Variants in PELI2 observed in about 807,000 individuals in gnomAD.
PELI2 encodes the protein E3 ubiquitin-protein ligase pellino homolog 2.
Under a neutral mutation model 42.3 loss-of-function variants are expected in PELI2, and 23 were observed. The ratio of observed to expected loss-of-function variants is 0.54; its 90% CI spans 0.39 to 0.77. The LOEUF (loss-of-function observed/expected upper bound fraction) is 0.77, where lower values mean the gene tolerates loss of function less well. Among genes scored for constraint, PELI2 ranks in the 30% least tolerant of loss-of-function variants. PELI2 has a pLI of 0.00. For missense variants in PELI2, 463 were observed against 553.2 expected, an observed-to-expected ratio of 0.84 and a Z score of 1.64; for synonymous variants, 245 against 212.2, an observed-to-expected ratio of 1.15 and a Z score of -1.34.
intron 1 of PELI2, among the ~76,000 whole-genome samples, chr14:56,157,128 GTTA>G (rs1213821981): frequency 3.0e-4 from 46 of 152,154 alleles, no homozygotes; most frequent in African/African-American, 1.1e-3. Context: ...CAGCCAGTGG[GTTA>G]ATGTGTCAAA....
intron 2 of PELI2, among the ~76,000 whole-genome samples, chr14:56,188,080 C>T (rs1009093760): frequency 6.6e-6 from 1 of 152,216 alleles, no homozygotes; most frequent in Non-Finnish European, 1.5e-5. Flanking sequence ...TCACTCCCAG[C>T]CTCAGTGAGA....
rs900008327 is a variant in PELI2 at position 56,180,171 on chromosome 14, T to C, written c.207+1707T>C. 1.3e-5 allele frequency among the ~76,000 whole-genome samples: 2 copies of C among 152,186 alleles called. No individual in the cohort carries two copies. The highest frequency in any genetic ancestry group is 4.8e-5 in the African/African-American group (2 of 41,452). On this transcript the variant is annotated intron_variant, in intron 2 of 5. Coordinates refer to ENST00000267460, the MANE Select transcript of PELI2 (RefSeq NM_021255.3). This position sits in a 1 kb window ranked among gnomAD's most constrained non-coding sequence, Gnocchi z 4.4. ...CCCACAGTACTAAAAGTAGGGCAGA[T>C]TGGGTTTAGGTCTTGACCCTCTGTA...
chr14:56,135,829 A>G (rs1341906057), intron 1 of PELI2, among the ~76,000 whole-genome samples: 2 of 152,224 alleles, frequency 1.3e-5, no homozygotes, highest in East Asian at 1.9e-4. Flanking sequence ...GGAATGCTTC[A>G]GAAGAGGCAT....
chr14:56,290,801 G>T (rs1594719886), intron 5 of PELI2, among the ~76,000 whole-genome samples: 1 of 152,134 alleles, frequency 6.6e-6, no homozygotes, highest in Non-Finnish European at 1.5e-5. Flanking sequence ...TTTGGAAAAC[G>T]TTTGAGCAGT....
intron 1 of PELI2, among the ~76,000 whole-genome samples, chr14:56,163,378 A>G (rs1262347236): frequency 6.6e-6 from 1 of 152,080 alleles, no homozygotes; most frequent in Non-Finnish European, 1.5e-5. Flanking sequence ...AAATGAGTTC[A>G]CTGTGGGTGT....
chr14:56,148,159 C>T (rs991159866), intron 1 of PELI2, among the ~76,000 whole-genome samples: 6 of 152,212 alleles, frequency 3.9e-5, no homozygotes, highest in Non-Finnish European at 8.8e-5. Context: ...CCTTGCCCTT[C>T]ATATCACATA....
intron 2 of PELI2, among the ~76,000 whole-genome samples, chr14:56,243,790 A>G (rs928917273): frequency 2.6e-5 from 4 of 152,188 alleles, no homozygotes; most frequent in Non-Finnish European, 5.9e-5. Context: ...GTGAAGGGAA[A>G]CCCAGTGTCA....
intron 2 of PELI2, among the ~76,000 whole-genome samples, chr14:56,233,357 C>T (rs1471540978): frequency 6.6e-6 from 1 of 152,188 alleles, no homozygotes. Flanking sequence ...TCAAACTGTA[C>T]TACAAGTTTA....
At chr14:56,209,999 A>T (rs1241484643) in intron 2 of PELI2, among the ~76,000 whole-genome samples, 4 of 152,202 alleles carry the variant, frequency 2.6e-5, no homozygotes, top group Admixed American at 2.0e-4. Flanking sequence ...AATGCAAATG[A>T]TACAAGGCAT....
At chr14:56,210,535 A>C (rs914154248) in intron 2 of PELI2, among the ~76,000 whole-genome samples, 9 of 152,208 alleles carry the variant, frequency 5.9e-5, no homozygotes, top group Admixed American at 5.9e-4. Flanking sequence ...CTGCAGAAAC[A>C]AAAATTGTGG....
intron 2 of PELI2, among the ~76,000 whole-genome samples, chr14:56,243,664 G>A (rs1029646836): frequency 1.3e-5 from 2 of 152,104 alleles, no homozygotes; most frequent in African/African-American, 2.4e-5. Flanking sequence ...TTATTGTGTT[G>A]TTTTCTTTAT....
intron 1 of PELI2, among the ~76,000 whole-genome samples, chr14:56,177,407 C>T (rs1885420585): frequency 1.3e-5 from 2 of 152,206 alleles, no homozygotes; most frequent in Non-Finnish European, 2.9e-5. Context: ...AGCTGTCATA[C>T]ATACCTCTGT....
chr14:56,155,774 G>A (rs766718176), intron 1 of PELI2, among the ~76,000 whole-genome samples: 9 of 151,812 alleles, frequency 5.9e-5, no homozygotes, highest in Non-Finnish European at 8.8e-5. Flanking sequence ...TAGTAGAGAC[G>A]GGGTTTCATC....
intron 2 of PELI2, among the ~76,000 whole-genome samples, chr14:56,239,622 C>A (rs1887907235): frequency 6.6e-6 from 1 of 152,184 alleles, no homozygotes; most frequent in South Asian, 2.1e-4. Context: ...GAGTAAGCCT[C>A]CTGTTTATCC....
rs1890045998 is a variant in PELI2, at chr14:56,297,399, A to G, written c.*233A>G. On this transcript the variant is annotated 3_prime_UTR_variant, in exon 6 of 6. Transcript: ENST00000267460. ...GAAGTCTGCTTGATTAAACCATAAT[A>G]TCTTTGTAATAATTGGATTTAAAAT... 1 of 415,664 alleles carries G rather than the reference A, an allele frequency of 2.4e-6. No homozygotes were observed. The highest frequency in any genetic ancestry group is 3.5e-5 in the East Asian group (1 of 28,442). 25.7% of individuals were successfully genotyped at this position (415,664 alleles called of 1,614,324 possible).
intron 2 of PELI2, among the ~76,000 whole-genome samples, chr14:56,265,621 A>C (rs776480341): frequency 2.6e-5 from 4 of 152,120 alleles, no homozygotes; most frequent in Non-Finnish European, 5.9e-5. Flanking sequence ...CAAAGTTAAG[A>C]ACTTACGCCT....
chr14:56,125,174 G>T (rs1163613688), intron 1 of PELI2, among the ~76,000 whole-genome samples: 1 of 152,122 alleles, frequency 6.6e-6, no homozygotes, highest in Non-Finnish European at 1.5e-5. Flanking sequence ...TACCTCCTGA[G>T]ACCTAGTTTC....
intron 2 of PELI2, among the ~76,000 whole-genome samples, chr14:56,223,722 AT>A (rs1887237069): frequency 6.6e-6 from 1 of 152,224 alleles, no homozygotes; most frequent in East Asian, 1.9e-4. Flanking sequence ...CCAAATGCAG[AT>A]TTCAATACTG....
In PELI2 at chr14:56,282,450, A is replaced by C. The variant is rs1463258806; in HGVS notation, c.309+2673A>C. Among the ~76,000 whole-genome samples, 3 of 152,106 alleles carry C rather than the reference A, an allele frequency of 2.0e-5. No individual in the cohort carries two copies. In the East Asian group the frequency reaches 5.8e-4, roughly 29 times the overall value. On this transcript the variant is annotated intron_variant, in intron 3 of 5. Coordinates refer to ENST00000267460, the MANE Select transcript of PELI2 (RefSeq NM_021255.3). ...GTTTAAATCATGCTTATATGCATTAAAAAATCTCCAAAATGATTAACAAGA... is the reference window on the plus strand; with the variant it reads ...GTTTAAATCATGCTTATATGCATTACAAAATCTCCAAAATGATTAACAAGA...
Sources: gnomAD v4.1 joint callset for allele counts (sites outside exome capture counted in the v4.1 genomes callset) on GRCh38, gnomAD v4.1.1 for gene constraint, Gnocchi (gnomAD v3.1) non-coding constraint, MANE v1.5 for transcripts, NCBI Gene and HGNC (gene_info 2026-07-23, HGNC 2026-07-21) for gene names.